The following PCDHA4 variants were observed in gnomAD, a reference collection of about 807,000 sequenced individuals.
PCDHA4 encodes the protein protocadherin alpha-4.
Under a neutral mutation model 61.4 loss-of-function variants are expected in PCDHA4, and 49 were observed. The ratio of observed to expected loss-of-function variants is 0.80; its 90% confidence interval spans 0.63 to 1.01. PCDHA4 has a LOEUF of 1.01. PCDHA4 is among the 50% of genes least tolerant of loss of function. The pLI is 0.00. For missense variants in PCDHA4, 1,254 were observed against 1,235.8 expected (o/e 1.01, Z -0.22); for synonymous variants, 590 against 550.3 (o/e 1.07, Z -1.01).
At chr5:140,833,422 G>C (rs2150208269) in intron 1 of PCDHA4, among the ~76,000 whole-genome samples, 10 of 152,298 alleles carry the variant, frequency 6.6e-5, no homozygotes, top group African/African-American at 2.2e-4. Flanking sequence ...CTGTATGTGA[G>C]ATGGCTGAGC....
intron 3 of PCDHA4, among the ~76,000 whole-genome samples, chr5:140,986,555 T>A (rs1554248143): frequency 6.6e-6 from 1 of 152,214 alleles, no homozygotes; most frequent in African/African-American, 2.4e-5. Context: ...GCCAGGCTGC[T>A]TTGTTATCTG....
intron 3 of PCDHA4, among the ~76,000 whole-genome samples, chr5:141,002,568 C>T (rs1554258737): frequency 6.6e-6 from 1 of 152,182 alleles, no homozygotes; most frequent in Admixed American, 6.5e-5. Context: ...AGTTAGTGAC[C>T]ATGTGACCAT....
chr5:140,839,493 G>A (rs2150298182), intron 1 of PCDHA4, among the ~76,000 whole-genome samples: 3 of 151,922 alleles, frequency 2.0e-5, no homozygotes, highest in Non-Finnish European at 4.4e-5. Context: ...GGGCTCAAGT[G>A]ATCTTCCTAC....
chr5:141,009,712 C>T lies in PCDHA4; in HGVS notation c.2619C>T (p.Pro873=). The T allele has an allele frequency of 1.2e-6, 2 of 1,614,156 alleles. No individual in the cohort carries two copies. Among genetic ancestry groups the T allele is most frequent in the African/African-American group, 1.3e-5 (1 of 75,034 alleles). ...CCTTTAAATACGGACCAGGCAACCC[C>T]AAACAATCCGGTCCCGGTGAGTTGC... is the stretch of plus-strand genomic sequence containing the variant. ...SWTFKYGPGN[P]KQSGPGELPD... is the part of the protein sequence containing the mutation. The change falls in exon 4 of 4, where the codon CCC becomes CCT. Residue 873 remains proline (P), a synonymous_variant. Transcript: ENST00000530339.
At chr5:140,837,445 G>A (rs1228498805) in intron 1 of PCDHA4, among the ~76,000 whole-genome samples, 1 of 151,888 alleles carries the variant, frequency 6.6e-6, no homozygotes, top group Non-Finnish European at 1.5e-5. Context: ...CTAGTACGTA[G>A]TAAAAAATCT....
At chr5:140,968,394 G>A (rs782388354) in intron 1 of PCDHA4, 3 of 1,613,942 alleles carry the variant, frequency 1.9e-6, no homozygotes, top group Admixed American at 3.3e-5. Context: ...GAGAAGTTTC[G>A]GGAGTTCTTT....
At chr5:140,983,931 G>A (rs1398681067) in intron 3 of PCDHA4, among the ~76,000 whole-genome samples, 1 of 152,190 alleles carries the variant, frequency 6.6e-6, no homozygotes, top group Non-Finnish European at 1.5e-5. Context: ...GCTATTTATG[G>A]ATGTTGCACA....
At chr5:140,967,291 C>T (rs782682819) in intron 1 of PCDHA4, 11 of 1,612,754 alleles carry the variant, frequency 6.8e-6, no homozygotes, top group South Asian at 1.1e-5. Context: ...CGCAGGACCC[C>T]GACGTGGGCG....
intron 1 of PCDHA4, chr5:140,823,006 G>A: frequency 6.2e-7 from 1 of 1,614,228 alleles, no homozygotes; most frequent in South Asian, 1.1e-5. Context: ...GCTGGACAGC[G>A]CCCTGGACCG....
At position 140,953,880 on chromosome 5, in the gene PCDHA4, C is replaced by T. The variant is rs56350351; in HGVS notation, c.2386-25069C>T. On this transcript the variant is annotated intron_variant, in intron 1 of 3. Coordinates refer to ENST00000530339, the MANE Select transcript of PCDHA4 (RefSeq NM_018907.4). ...TGGTGGTTTGCTGCACAGATCAACCCATCACCTAGGTATTAAGCCCAGCAT... is the reference window on the plus strand; with the variant it reads ...TGGTGGTTTGCTGCACAGATCAACCTATCACCTAGGTATTAAGCCCAGCAT... Among the ~76,000 whole-genome samples, 609 of 152,246 alleles carry T rather than the reference C, an allele frequency of 4.0e-3. 7 individuals are homozygous for T. Among genetic ancestry groups the T allele is most frequent in the African/African-American group, 0.014 (577 of 41,548 alleles).
chr5:140,988,332 A>G (rs2097293198), intron 3 of PCDHA4, among the ~76,000 whole-genome samples: 1 of 152,230 alleles, frequency 6.6e-6, no homozygotes, highest in Non-Finnish European at 1.5e-5. Context: ...ACCCGAGGAA[A>G]GTAAGTCCTT....
chr5:140,876,829 C>T (rs782699472), intron 1 of PCDHA4: 2 of 1,614,196 alleles, frequency 1.2e-6, no homozygotes, highest in Non-Finnish European at 1.7e-6. Context: ...CGACAATGCG[C>T]CTGCGTTCGC....
intron 1 of PCDHA4, chr5:140,854,759 A>G (rs2043218942): frequency 6.7e-6 from 1 of 149,714 alleles, no homozygotes. Context: ...TTACATTTTC[A>G]TTCCTGAATA....
Position 140,998,756 on chromosome 5 carries a change from G to A in PCDHA4, c.2534-10871G>A, listed in dbSNP as rs78235138. Among the ~76,000 whole-genome samples, 197 of 152,232 alleles carry A rather than the reference G, an allele frequency of 1.3e-3. 4 individuals carry two copies. In the East Asian group the frequency reaches 0.035, roughly 27 times the overall value. On this transcript the variant is annotated intron_variant, in intron 3 of 3. Coordinates refer to ENST00000530339, the MANE Select transcript of PCDHA4 (RefSeq NM_018907.4). Reference sequence around the variant, plus strand: ...ATTTTGTATTTTTAGAAGAGACACAGTTTCACTATGTTGGTCAGGCTGGTC... The same window carrying A: ...ATTTTGTATTTTTAGAAGAGACACAATTTCACTATGTTGGTCAGGCTGGTC...
chr5:140,916,060 C>G (rs1554197265), intron 1 of PCDHA4, among the ~76,000 whole-genome samples: 1 of 152,174 alleles, frequency 6.6e-6, no homozygotes, highest in Non-Finnish European at 1.5e-5. Flanking sequence ...GGTGCCTCTC[C>G]CTGTGGCCAG....
At chr5:140,877,163 C>T (rs782243946) in intron 1 of PCDHA4, 3 of 1,613,816 alleles carry the variant, frequency 1.9e-6, no homozygotes, top group Non-Finnish European at 2.5e-6. Context: ...AACGCGCCGG[C>T]ACTGCTGGCG....
intron 3 of PCDHA4, among the ~76,000 whole-genome samples, chr5:140,999,060 G>A (rs1199782818): frequency 1.3e-5 from 2 of 152,210 alleles, no homozygotes; most frequent in East Asian, 1.9e-4. Context: ...CCATGCCTAA[G>A]TAGTCTCCTT....
chr5:140,914,020 C>T (rs2076562854), intron 1 of PCDHA4, among the ~76,000 whole-genome samples: 1 of 152,036 alleles, frequency 6.6e-6, no homozygotes, highest in African/African-American at 2.4e-5. Context: ...GAGAATGATC[C>T]ACGTGCTGAG....
intron 3 of PCDHA4, among the ~76,000 whole-genome samples, chr5:140,986,398 G>A (rs973049448): frequency 7.2e-5 from 11 of 152,174 alleles, no homozygotes; most frequent in African/African-American, 2.4e-4. Flanking sequence ...AGGGCCAGTC[G>A]CTCATGTTAC....
Sources: gnomAD v4.1 joint callset for allele counts (sites outside exome capture counted in the v4.1 genomes callset) on GRCh38, gnomAD v4.1.1 for gene constraint, MANE v1.5 for transcripts, NCBI Gene and HGNC (gene_info 2026-07-23, HGNC 2026-07-21) for gene names.